The following CERS6 variants were observed in gnomAD, a reference collection of about 807,000 sequenced individuals.
CERS6 encodes the protein ceramide synthase 6, also known as LAG1 homolog, ceramide synthase 6.
A neutral mutation model predicts 56.8 loss-of-function variants in CERS6; 26 were observed. That is an observed-to-expected ratio of 0.46 (90% confidence interval 0.34 to 0.63). CERS6 has a LOEUF of 0.63. CERS6 is among the 30% of genes least tolerant of loss of function. The pLI, the probability that CERS6 is intolerant of heterozygous loss-of-function variation, is 0.01. For missense variants in CERS6, 415 were observed against 467.5 expected (o/e 0.89, Z 1.04); for synonymous variants, 164 against 173.3 (o/e 0.95, Z 0.42).
At chr2:168,656,609 T>C (rs1490463928) in intron 4 of CERS6, among the ~76,000 whole-genome samples, 1 of 152,110 alleles carries the variant, frequency 6.6e-6, no homozygotes, top group Middle Eastern at 3.2e-3. Context: ...CTTGCTGGGC[T>C]CAGGAGTGAA....
At chr2:168,491,073 G>C (rs1033033686) in intron 1 of CERS6, among the ~76,000 whole-genome samples, 1 of 152,188 alleles carries the variant, frequency 6.6e-6, no homozygotes, top group East Asian at 1.9e-4. Flanking sequence ...GTGCCAAAGA[G>C]GTGAGGGAAG....
intron 8 of CERS6, among the ~76,000 whole-genome samples, chr2:168,729,129 TAA>T (rs1167205674): frequency 6.6e-6 from 1 of 150,654 alleles, no homozygotes; most frequent in African/African-American, 2.4e-5. Context: ...AGAGAAAAAA[TAA>T]AAAGATTGTT....
intron 3 of CERS6, among the ~76,000 whole-genome samples, chr2:168,617,029 C>T (rs2105279605): frequency 6.6e-6 from 1 of 152,276 alleles, no homozygotes; most frequent in Admixed American, 6.5e-5. Flanking sequence ...TTATATCAAA[C>T]ATTCTCTGAG....
chr2:168,730,325 A>G (rs563623509), intron 8 of CERS6, among the ~76,000 whole-genome samples: 1 of 152,378 alleles, frequency 6.6e-6, no homozygotes, highest in African/African-American at 2.4e-5. Context: ...AAATGTATTT[A>G]AAGAAAATCA....
chr2:168,592,022 T>C (rs1683682680), intron 3 of CERS6, among the ~76,000 whole-genome samples: 1 of 152,220 alleles, frequency 6.6e-6, no homozygotes, highest in Non-Finnish European at 1.5e-5. Context: ...TGTTGCCGAC[T>C]TTCAACTGAG....
chr2:168,627,991 C>T (rs1317387692), intron 3 of CERS6, among the ~76,000 whole-genome samples: 7 of 152,058 alleles, frequency 4.6e-5, no homozygotes, highest in Admixed American at 4.6e-4. Context: ...TGCAATGCTC[C>T]TTTATTCCAC....
At chr2:168,616,365 A>T (rs531860787) in intron 3 of CERS6, among the ~76,000 whole-genome samples, 1 of 152,340 alleles carries the variant, frequency 6.6e-6, no homozygotes, top group Admixed American at 6.5e-5. Flanking sequence ...AGCATAATGA[A>T]TGCAATAGTA....
chr2:168,561,223 C>T lies in CERS6; in HGVS notation c.308C>T (p.Ser103Phe). ...HPDEKRLEGLSKQLDWDVRSI... is the reference protein window; with the variant it reads ...HPDEKRLEGLFKQLDWDVRSI... ...GATGAAAAGAGATTGGAAGGCCTCT[C>T]CAAGCAACTGGACTGGGATGTTCGA... is the stretch of plus-strand genomic sequence containing the variant. The change falls in exon 3 of 10, where the codon TCC becomes TTC. Residue 103 changes from serine (S) to phenylalanine (F), a missense_variant. Transcript: ENST00000305747. 1 of 1,614,056 alleles carries T rather than the reference C, an allele frequency of 6.2e-7. No homozygotes were observed. The highest frequency in any genetic ancestry group is 8.5e-7 in the Non-Finnish European group (1 of 1,179,938).
rs1355797856 is a variant in CERS6 at position 168,765,706 on chromosome 2, C to T, written c.960C>T (p.Tyr320=). The T allele has an allele frequency of 2.5e-6, 4 of 1,613,852 alleles. No homozygotes were observed. The highest frequency in any genetic ancestry group is 3.4e-6 in the Non-Finnish European group (4 of 1,179,860). The part of the protein sequence containing the change: ...LVQGLNCFWS[Y]LIVKIACKAV... Reference sequence around the variant, plus strand: ...AAGGGTTGAACTGCTTCTGGTCTTACTTGATTGTGAAAATAGCTTGCAAAG... The same window carrying T: ...AAGGGTTGAACTGCTTCTGGTCTTATTTGATTGTGAAAATAGCTTGCAAAG... Residue 320 remains tyrosine (Y), a synonymous_variant, in exon 9 of 10, where the codon TAC becomes TAT. Transcript: ENST00000305747.
At chr2:168,628,188 C>T (rs972073045) in intron 3 of CERS6, among the ~76,000 whole-genome samples, 1 of 152,100 alleles carries the variant, frequency 6.6e-6, no homozygotes, top group African/African-American at 2.4e-5. Context: ...ATGCCGTTTT[C>T]TTTCCACATT....
intron 1 of CERS6, among the ~76,000 whole-genome samples, chr2:168,457,429 G>A (rs1693692940): frequency 1.3e-5 from 2 of 152,142 alleles, no homozygotes; most frequent in South Asian, 4.1e-4. Context: ...TCTCCATTGT[G>A]TCACATACAA....
At chr2:168,763,243 T>C (rs1414476421) in intron 8 of CERS6, among the ~76,000 whole-genome samples, 1 of 119,318 alleles carries the variant, frequency 8.4e-6, no homozygotes, top group Non-Finnish European at 1.9e-5. Context: ...TCTCTCTCTT[T>C]TTTTTTTTTT....
chr2:168,654,128 T>A (rs2105320434), intron 4 of CERS6, among the ~76,000 whole-genome samples: 1 of 152,314 alleles, frequency 6.6e-6, no homozygotes, highest in South Asian at 2.1e-4. Context: ...TATAGTAATA[T>A]CCTATAGAAT....
At position 168,765,567 on chromosome 2, in the gene CERS6, C is replaced by G. The variant is rs373592934; in HGVS notation, c.846-25C>G. ...AAAGCAAAGGAAAATGCCACATTCA[C>G]TAATCACCTCCTTCTTTTCCTTAGG... On this transcript the variant is annotated intron_variant, in intron 8 of 9. Coordinates refer to ENST00000305747, the MANE Select transcript of CERS6 (RefSeq NM_203463.3). 169 of 1,607,586 alleles carry G rather than the reference C, an allele frequency of 1.1e-4. 3 individuals are homozygous for G. In the South Asian group the frequency reaches 1.8e-3, roughly 17 times the overall value.
In CERS6 at chr2:168,527,450, A is replaced by C. The variant is rs547956699; in HGVS notation, c.171-20146A>C. On this transcript the variant is annotated intron_variant, in intron 1 of 9. Transcript: ENST00000305747. ...ATTCTGTGGGTTTATGCAGATTTAT[A>C]ATGCCATGTGTCCTAGTCCATTTTA... is the stretch of plus-strand genomic sequence containing the variant. 3.9e-5 allele frequency among the ~76,000 whole-genome samples: 6 copies of C among 152,306 alleles called. No homozygotes were observed. The South Asian group carries it at 1.2e-3, about 32-fold the overall frequency.
chr2:168,671,556 G>GAAT, intron 4 of CERS6, among the ~76,000 whole-genome samples: 1 of 152,256 alleles, frequency 6.6e-6, no homozygotes, highest in East Asian at 1.9e-4. Context: ...AAATTACAGT[G>GAAT]AATCGTGAGT....
intron 4 of CERS6, among the ~76,000 whole-genome samples, chr2:168,644,719 A>G (rs1052662350): frequency 2.2e-4 from 34 of 152,248 alleles, no homozygotes; most frequent in African/African-American, 8.2e-4. Context: ...CCTTGTTAGG[A>G]AGACTTACCA....
At chr2:168,656,635 G>A (rs563635973) in intron 4 of CERS6, among the ~76,000 whole-genome samples, 52 of 152,216 alleles carry the variant, frequency 3.4e-4, no homozygotes, top group African/African-American at 1.1e-3. Context: ...AGATCTTCGC[G>A]GTGAGTGTCA....
At chr2:168,461,333 G>A (rs945014449) in intron 1 of CERS6, among the ~76,000 whole-genome samples, 1 of 151,998 alleles carries the variant, frequency 6.6e-6, no homozygotes, top group Non-Finnish European at 1.5e-5. Context: ...TGAGGCAAGA[G>A]TGGGCTTCAG....
Sources: gnomAD v4.1 joint callset for allele counts (sites outside exome capture counted in the v4.1 genomes callset) on GRCh38, gnomAD v4.1.1 for gene constraint, MANE v1.5 for transcripts, NCBI Gene and HGNC (gene_info 2026-07-23, HGNC 2026-07-21) for gene names.